Variants in ABCC9 observed in about 807,000 individuals in gnomAD.
The protein encoded by ABCC9 is ATP-binding cassette sub-family C member 9.
Under a neutral mutation model 188.3 loss-of-function variants are expected in ABCC9, and 95 were observed. That is an observed-to-expected ratio of 0.50 (90% CI 0.43 to 0.60). The LOEUF is 0.60. ABCC9 is among the 20% of genes least tolerant of loss of function. The pLI, the probability that ABCC9 is intolerant of heterozygous loss-of-function variation, is 0.00. For synonymous variants in ABCC9, 659 were observed against 652.7 expected (o/e 1.01, Z -0.15); for missense variants, 1,102 against 1,876.3 (o/e 0.59, Z 7.62).
intron 14 of ABCC9, 149 bp downstream of exon 14, chr12:21,893,883 G>T: frequency 1.3e-6 from 1 of 796,126 alleles, no homozygotes; most frequent in Non-Finnish European, 1.9e-6. Context: ...ATAAATAAAA[G>T]ACTGAAAAGT....
intron 5 of ABCC9, among the ~76,000 whole-genome samples, chr12:21,918,639 AGCC>A (rs2137941953): frequency 6.6e-6 from 1 of 152,252 alleles, no homozygotes; most frequent in Admixed American, 6.5e-5. Context: ...CAGGACTTTG[AGCC>A]AGGGTCAATT....
intron 14 of ABCC9, among the ~76,000 whole-genome samples, chr12:21,892,613 T>C (rs1947216193): frequency 6.6e-6 from 1 of 152,182 alleles, no homozygotes; most frequent in Admixed American, 6.5e-5. Context: ...CCAGAAGGCT[T>C]GAGCTCTAGA....
intron 10 of ABCC9, 143 bp downstream of exon 10, chr12:21,910,014 G>T: frequency 1.3e-6 from 1 of 782,734 alleles, no homozygotes; most frequent in South Asian, 1.7e-5. Context: ...TAACATTTCT[G>T]AGTCCCAGCT....
intron 18 of ABCC9, among the ~76,000 whole-genome samples, chr12:21,870,878 A>G (rs1946039115): frequency 6.6e-6 from 1 of 152,262 alleles, no homozygotes; most frequent in East Asian, 1.9e-4. Flanking sequence ...TAAATAGGTT[A>G]TAAAGAATAT....
chr12:21,823,909 A>C (rs370651634), intron 31 of ABCC9, among the ~76,000 whole-genome samples: 13 of 152,238 alleles, frequency 8.5e-5, no homozygotes, highest in African/African-American at 3.1e-4. Context: ...GCTTTCTACC[A>C]GCCAAATTAT....
intron 16 of ABCC9, among the ~76,000 whole-genome samples, chr12:21,876,044 T>C (rs1329171615): frequency 2.6e-5 from 4 of 152,008 alleles, no homozygotes; most frequent in Non-Finnish European, 4.4e-5. Context: ...AGAGCGAGAC[T>C]CCATCTTGGA....
chr12:21,834,786 T>TATACACACACACACACAC (rs113973392), intron 30 of ABCC9, among the ~76,000 whole-genome samples: 5 of 141,508 alleles, frequency 3.5e-5, no homozygotes, highest in Non-Finnish European at 7.7e-5. Context: ...TATAACATTA[T>TATACACACACACACACAC]ACACACACAC....
At chr12:21,872,047 C>T (rs1035323059) in intron 18 of ABCC9, among the ~76,000 whole-genome samples, 1 of 152,222 alleles carries the variant, frequency 6.6e-6, no homozygotes, top group African/African-American at 2.4e-5. Flanking sequence ...GAAGAAACAT[C>T]ATGCTGGAAG....
intron 31 of ABCC9, among the ~76,000 whole-genome samples, chr12:21,826,626 TCTGA>T (rs1201366274): frequency 6.6e-6 from 1 of 152,192 alleles, no homozygotes; most frequent in Non-Finnish European, 1.5e-5. Context: ...CGACAGTGAA[TCTGA>T]CTGGTCTCAC....
At chr12:21,916,146 C>G (rs1187394018) in intron 6 of ABCC9, among the ~76,000 whole-genome samples, 1 of 152,078 alleles carries the variant, frequency 6.6e-6, no homozygotes, top group Non-Finnish European at 1.5e-5. Context: ...TCTAAAAGAT[C>G]ACTTAACCTT....
intron 12 of ABCC9, among the ~76,000 whole-genome samples, chr12:21,900,475 G>T (rs1034169465): frequency 5.9e-5 from 9 of 152,236 alleles, no homozygotes; most frequent in African/African-American, 2.2e-4. Flanking sequence ...ACTTTGACGA[G>T]TTGACAGAAG....
intron 17 of ABCC9, 97 bp from the exon 18 acceptor site, chr12:21,872,827 A>G (rs1249636708): frequency 2.6e-5 from 26 of 983,630 alleles, no homozygotes; most frequent in South Asian, 2.2e-4. Context: ...TTTACAATCA[A>G]TGGCCCAGTT....
chr12:21,921,973 G>C (rs1278736973), intron 5 of ABCC9, among the ~76,000 whole-genome samples: 1 of 151,904 alleles, frequency 6.6e-6, no homozygotes, highest in Non-Finnish European at 1.5e-5. Flanking sequence ...GATTACTACA[G>C]CTTTGTAGTA....
At chr12:21,854,619 CTG>C (rs1264573780) in intron 22 of ABCC9, among the ~76,000 whole-genome samples, 1 of 152,212 alleles carries the variant, frequency 6.6e-6, no homozygotes, top group African/African-American at 2.4e-5. Flanking sequence ...GCAATAAGTA[CTG>C]TGTATAGGAA....
At chr12:21,803,656 CAAA>C (rs3061809) in intron 39 of ABCC9, among the ~76,000 whole-genome samples, 21,871 of 84,446 alleles carry the variant, frequency 0.26, 1,724 homozygotes, top group Middle Eastern at 0.45. Flanking sequence ...ACTCTGTCTC[CAAA>C]AAAAAAAAAA....
chr12:21,827,048 G>A, intron 31 of ABCC9: 1 of 921,556 alleles, frequency 1.1e-6, no homozygotes, highest in Non-Finnish European at 1.3e-6. Context: ...TTTGTTTTTT[G>A]CAGGTGGAAT....
At chr12:21,886,232 T>G (rs1333377262) in intron 15 of ABCC9, among the ~76,000 whole-genome samples, 21 of 152,134 alleles carry the variant, frequency 1.4e-4, no homozygotes, top group Non-Finnish European at 2.9e-5. Flanking sequence ...TCTCAAAACT[T>G]GCATGTGCAA....
chr12:21,823,768 G>C (rs560359878), intron 31 of ABCC9, among the ~76,000 whole-genome samples: 74 of 152,350 alleles, frequency 4.9e-4, no homozygotes, highest in African/African-American at 1.7e-3. Context: ...ACGAGAGGAC[G>C]CAAGCAGCAA....
intron 29 of ABCC9, among the ~76,000 whole-genome samples, chr12:21,840,152 T>G (rs1382761628): frequency 2.0e-5 from 3 of 152,194 alleles, no homozygotes; most frequent in Admixed American, 1.3e-4. Context: ...AAGCAAGCAT[T>G]TGATCCATGA....
Sources: gnomAD v4.1 joint callset for allele counts (sites outside exome capture counted in the v4.1 genomes callset) on GRCh38, gnomAD v4.1.1 for gene constraint, MANE v1.5 for transcripts, NCBI Gene and HGNC (gene_info 2026-07-23, HGNC 2026-07-21) for gene names.